Variants in CYYR1 observed in about 807,000 individuals in gnomAD.
The protein encoded by CYYR1 is cysteine and tyrosine-rich protein 1.
CYYR1 carries 14 observed loss-of-function variants against 15.2 expected under a neutral mutation model. The observed-to-expected ratio is 0.92, with a 90% CI of 0.61 to 1.44. CYYR1 has a LOEUF of 1.44. Ranked by LOEUF, CYYR1 falls within the 40% of genes most tolerant of loss-of-function variation. The pLI is 0.00. For missense variants in CYYR1, 228 were observed against 209.5 expected (o/e 1.09, Z -0.54); for synonymous variants, 80 against 77.4 (o/e 1.03, Z -0.18).
At chr21:26,517,435 A>G (rs572686916) in intron 2 of CYYR1, among the ~76,000 whole-genome samples, 1 of 152,316 alleles carries the variant, frequency 6.6e-6, no homozygotes, top group South Asian at 2.1e-4. Context: ...CTATCTAGCT[A>G]TATTTAGTTT....
intron 2 of CYYR1, among the ~76,000 whole-genome samples, chr21:26,540,703 T>C (rs1978492188): frequency 6.6e-6 from 1 of 152,050 alleles, no homozygotes; most frequent in Non-Finnish European, 1.5e-5. Context: ...TTCAGAGAAA[T>C]AGCAGAATCC....
At chr21:26,570,334 A>C (rs574056357) in intron 1 of CYYR1, among the ~76,000 whole-genome samples, 23 of 152,184 alleles carry the variant, frequency 1.5e-4, no homozygotes, top group African/African-American at 5.3e-4. Context: ...CCTGCCTCCC[A>C]CCTTAAGGAA....
intron 2 of CYYR1, among the ~76,000 whole-genome samples, chr21:26,564,145 A>AT (rs1053186801): frequency 4.6e-5 from 7 of 151,926 alleles, no homozygotes; most frequent in African/African-American, 1.7e-4. Flanking sequence ...TCTGGAATTA[A>AT]TTTTTTTCCT....
intron 2 of CYYR1, among the ~76,000 whole-genome samples, chr21:26,505,604 A>C (rs978490193): frequency 3.3e-5 from 5 of 152,242 alleles, no homozygotes; most frequent in Non-Finnish European, 5.9e-5. Flanking sequence ...TGCTTAATGC[A>C]CATTAGCTAT....
chr21:26,515,302 T>A (rs553181197), intron 2 of CYYR1, among the ~76,000 whole-genome samples: 1 of 152,348 alleles, frequency 6.6e-6, no homozygotes, highest in South Asian at 2.1e-4. Flanking sequence ...CCTTGTCTCC[T>A]CCATATTACA....
chr21:26,496,381 T>G (rs968452742), intron 2 of CYYR1, among the ~76,000 whole-genome samples: 1 of 151,972 alleles, frequency 6.6e-6, no homozygotes, highest in East Asian at 1.9e-4. Context: ...AGCATCAATC[T>G]CTCAAGAAAA....
At chr21:26,538,121 C>T (rs916251983) in intron 2 of CYYR1, among the ~76,000 whole-genome samples, 8 of 152,190 alleles carry the variant, frequency 5.3e-5, no homozygotes, top group South Asian at 2.1e-4. Context: ...ACATTACTGG[C>T]GCTCTGACTG....
In CYYR1 at chr21:26,468,474, G is replaced by A. The variant is rs17002187; in HGVS notation, c.*27C>T. 0.099 allele frequency: 137,456 copies of A among 1,393,578 alleles called. 7,284 individuals carry two copies. Among genetic ancestry groups the A allele is most frequent in the South Asian group, 0.14 (12,037 of 86,690 alleles). The allele number at this position is 1,393,578 out of a possible 1,614,324, so 86.3% of individuals were successfully genotyped here. On this transcript the variant is annotated 3_prime_UTR_variant, in exon 4 of 4. Transcript: ENST00000652641. ...TTTATTCCAGGCAAGATCGCCCATT[G>A]GCACATGTTCTGTTCTGGGAGATAG... is the stretch of plus-strand genomic sequence containing the variant.
chr21:26,495,796 G>A (rs192887756), intron 2 of CYYR1, among the ~76,000 whole-genome samples: 146 of 152,360 alleles, frequency 9.6e-4, no homozygotes, highest in African/African-American at 3.4e-3. Context: ...ATTAAAAGAA[G>A]AGGATATGGA....
intron 2 of CYYR1, among the ~76,000 whole-genome samples, chr21:26,548,848 T>G (rs1178457014): frequency 1.3e-5 from 2 of 152,200 alleles, no homozygotes; most frequent in African/African-American, 4.8e-5. Context: ...TCTGAGAATC[T>G]CTAATTTAAA....
chr21:26,477,359 G>A (rs1038642517), intron 3 of CYYR1, among the ~76,000 whole-genome samples: 7 of 152,104 alleles, frequency 4.6e-5, no homozygotes, highest in African/African-American at 7.2e-5. Context: ...TTATGTTTTC[G>A]AAGACCTAGT....
At chr21:26,564,667 A>T in intron 2 of CYYR1, 1 of 1,058,072 alleles carries the variant, frequency 9.5e-7, no homozygotes, top group Non-Finnish European at 1.2e-6. Flanking sequence ...ACCAGGGTGG[A>T]GGTAGCTATG....
At chr21:26,521,943 C>G (rs1407738139) in intron 2 of CYYR1, among the ~76,000 whole-genome samples, 1 of 152,196 alleles carries the variant, frequency 6.6e-6, no homozygotes, top group African/African-American at 2.4e-5. Flanking sequence ...CAAGAAAGGA[C>G]CTGTGGTGGT....
chr21:26,529,670 G>C (rs1379016371), intron 2 of CYYR1, among the ~76,000 whole-genome samples: 1 of 152,190 alleles, frequency 6.6e-6, no homozygotes, highest in Admixed American at 6.5e-5. Context: ...AGTGCGGTTT[G>C]CAACAGCCAA....
chr21:26,476,590 ATC>A (rs1407439852), intron 3 of CYYR1, among the ~76,000 whole-genome samples: 1 of 108,558 alleles, frequency 9.2e-6, no homozygotes, highest in Non-Finnish European at 2.2e-5. Flanking sequence ...TCTATCATCT[ATC>A]TATCTATCTA....
intron 2 of CYYR1, among the ~76,000 whole-genome samples, chr21:26,537,728 A>G (rs1324383352): frequency 6.6e-6 from 1 of 152,072 alleles, no homozygotes; most frequent in Non-Finnish European, 1.5e-5. Context: ...GGTGAGTGCT[A>G]TGGTCCGAAT....
intron 2 of CYYR1, among the ~76,000 whole-genome samples, chr21:26,531,899 A>G (rs1419332613): frequency 6.6e-6 from 1 of 152,146 alleles, no homozygotes; most frequent in Non-Finnish European, 1.5e-5. Context: ...AAAGTTCAGC[A>G]TGAAGAATGC....
chr21:26,557,421 A>G (rs1402018799), intron 2 of CYYR1, among the ~76,000 whole-genome samples: 2 of 152,180 alleles, frequency 1.3e-5, no homozygotes, highest in African/African-American at 4.8e-5. Flanking sequence ...GAATGAACTG[A>G]AATATCACAA....
intron 2 of CYYR1, among the ~76,000 whole-genome samples, chr21:26,516,005 T>C (rs183388991): frequency 1.4e-3 from 212 of 152,304 alleles, no homozygotes; most frequent in Non-Finnish European, 1.6e-4. Flanking sequence ...ATGTAAGAAG[T>C]TGGCGTATTT....
Sources: gnomAD v4.1 joint callset for allele counts (sites outside exome capture counted in the v4.1 genomes callset) on GRCh38, gnomAD v4.1.1 for gene constraint, MANE v1.5 for transcripts, NCBI Gene and HGNC (gene_info 2026-07-23, HGNC 2026-07-21) for gene names.